The following COMMD1 variants were observed in gnomAD, a reference collection of about 807,000 sequenced individuals.
The protein encoded by COMMD1 is copper metabolism domain containing 1, also known as COMM domain-containing protein 1.
In COMMD1, 10 loss-of-function variants were observed where a neutral mutation model predicts 17.2. That is an observed-to-expected ratio of 0.58 (90% CI 0.36 to 0.99). COMMD1 has a LOEUF of 0.99. COMMD1 is among the 50% of genes least tolerant of loss of function. The probability of loss-of-function intolerance (pLI) is 0.01; values close to 1 mark genes in which losing one functional copy is unlikely to be tolerated. For missense variants in COMMD1, 270 were observed against 231.8 expected (o/e 1.17, Z -1.07); for synonymous variants, 97 against 91.6 (o/e 1.06, Z -0.34).
At chr2:62,034,014 G>A (rs1399178745) in intron 2 of COMMD1, among the ~76,000 whole-genome samples, 2 of 150,322 alleles carry the variant, frequency 1.3e-5, no homozygotes, top group Non-Finnish European at 3.0e-5. Flanking sequence ...GGAGGCTGAG[G>A]TGGTAGGATC....
rs151117563 is a variant in COMMD1, at chr2:62,042,720, G to C, written c.462+41738G>C. The stretch of plus-strand genomic sequence containing the variant: ...CGGATGCCGAGGCTGAGGAGGTGCC[G>C]AGAGCGAATGAGGGCTGCTAGCAAG... On this transcript the variant is annotated intron_variant, in intron 2 of 2. Coordinates refer to ENST00000311832, the MANE Select transcript of COMMD1 (RefSeq NM_152516.4). 1.3e-3 allele frequency among the ~76,000 whole-genome samples: 191 copies of C among 152,314 alleles called. 1 individual carries two copies. In the East Asian group the frequency reaches 0.03, roughly 24 times the overall value.
At chr2:61,927,249 T>A (rs1670350586) in intron 1 of COMMD1, among the ~76,000 whole-genome samples, 1 of 152,226 alleles carries the variant, frequency 6.6e-6, no homozygotes, top group Non-Finnish European at 1.5e-5. Flanking sequence ...AAAGGAAACC[T>A]CATTCTCATG....
rs149611027 is a variant in COMMD1 at position 61,929,703 on chromosome 2, A to G, written c.180+23845A>G. On this transcript the variant is annotated intron_variant, in intron 1 of 2. Transcript: ENST00000311832. ...TCCCAGCACTTTGGGAGCCCAAGGC[A>G]GGAGGATCACTTGAGCCCAGGAGTT... is the stretch of plus-strand genomic sequence containing the variant. 6.6e-5 allele frequency among the ~76,000 whole-genome samples: 10 copies of G among 152,320 alleles called. No individual in the cohort carries two copies. In the East Asian group the frequency reaches 1.9e-3, roughly 29 times the overall value.
intron 2 of COMMD1, among the ~76,000 whole-genome samples, chr2:62,041,976 C>T (rs1027527930): frequency 9.2e-5 from 14 of 152,192 alleles, no homozygotes; most frequent in African/African-American, 1.9e-4. Context: ...AGCGGCTTGC[C>T]GCTGCTGGCT....
At chr2:62,111,977 G>T (rs1215631668) in intron 2 of COMMD1, among the ~76,000 whole-genome samples, 3 of 152,214 alleles carry the variant, frequency 2.0e-5, no homozygotes, top group Admixed American at 1.3e-4. Flanking sequence ...CAGGACTTCA[G>T]TAAGAAGTCT....
intron 1 of COMMD1, among the ~76,000 whole-genome samples, chr2:61,915,430 C>T (rs1302243049): frequency 6.6e-6 from 1 of 151,646 alleles, no homozygotes; most frequent in Non-Finnish European, 1.5e-5. Context: ...GTGTTTTTTT[C>T]CCACTTTTTG....
chr2:61,888,546 G>A (rs1471333957), upstream of COMMD1: 2 of 1,594,056 alleles, frequency 1.3e-6, no homozygotes, highest in East Asian at 2.2e-5. Flanking sequence ...CGGGAAGGAC[G>A]GATGGACCCG....
chr2:62,044,451 T>G (rs138216779), intron 2 of COMMD1, among the ~76,000 whole-genome samples: 1 of 152,356 alleles, frequency 6.6e-6, no homozygotes, highest in African/African-American at 2.4e-5. Flanking sequence ...TACTGATTTC[T>G]GTGTTGACCT....
chr2:62,024,772 A>C (rs1168796589), intron 2 of COMMD1, among the ~76,000 whole-genome samples: 3 of 152,168 alleles, frequency 2.0e-5, no homozygotes, highest in African/African-American at 7.2e-5. Flanking sequence ...ATCTGATGCC[A>C]TCGGACCTGT....
At chr2:62,113,115 G>A (rs1251781522) in intron 2 of COMMD1, among the ~76,000 whole-genome samples, 1 of 152,070 alleles carries the variant, frequency 6.6e-6, no homozygotes, top group Non-Finnish European at 1.5e-5. Context: ...GGAGGCAGAG[G>A]TGGGAGGTCG....
At chr2:62,132,414 G>A (rs560974887) in intron 2 of COMMD1, among the ~76,000 whole-genome samples, 1 of 152,288 alleles carries the variant, frequency 6.6e-6, no homozygotes, top group South Asian at 2.1e-4. Context: ...AGAAAACCAG[G>A]TTATTTATTA....
chr2:61,917,329 C>A (rs1472933992), intron 1 of COMMD1, among the ~76,000 whole-genome samples: 1 of 150,660 alleles, frequency 6.6e-6, no homozygotes, highest in African/African-American at 2.4e-5. Context: ...TGTACTCCAG[C>A]CTGGGAGACA....
At chr2:61,916,936 A>G (rs927970967) in intron 1 of COMMD1, among the ~76,000 whole-genome samples, 1 of 152,176 alleles carries the variant, frequency 6.6e-6, no homozygotes, top group African/African-American at 2.4e-5. Flanking sequence ...TTTATATTTT[A>G]AATATTCCAG....
intron 2 of COMMD1, among the ~76,000 whole-genome samples, chr2:62,071,782 C>G (rs1671206373): frequency 6.6e-6 from 1 of 152,124 alleles, no homozygotes; most frequent in Non-Finnish European, 1.5e-5. Context: ...AATTCCCAGC[C>G]ATGATAGGAA....
chr2:62,077,100 C>T (rs1671366561), intron 2 of COMMD1, among the ~76,000 whole-genome samples: 1 of 152,112 alleles, frequency 6.6e-6, no homozygotes, highest in Non-Finnish European at 1.5e-5. Flanking sequence ...CACTGCCCTC[C>T]AGCCTGGGTG....
intron 2 of COMMD1, among the ~76,000 whole-genome samples, chr2:62,006,253 A>G (rs1425865330): frequency 2.0e-5 from 3 of 151,070 alleles, no homozygotes; most frequent in Admixed American, 1.3e-4. Context: ...GCTAAATGAC[A>G]AGATAATGGG....
chr2:62,039,961 A>G (rs1013366117), intron 2 of COMMD1, among the ~76,000 whole-genome samples: 6 of 152,230 alleles, frequency 3.9e-5, no homozygotes, highest in African/African-American at 9.6e-5. Flanking sequence ...GCCATTTGTT[A>G]AGAGTACCGC....
At chr2:61,922,911 A>G (rs76738306) in intron 1 of COMMD1, among the ~76,000 whole-genome samples, 93 of 152,350 alleles carry the variant, frequency 6.1e-4, no homozygotes, top group African/African-American at 2.1e-3. Context: ...GTTAGCATGT[A>G]AATTTGTTCT....
intron 2 of COMMD1, among the ~76,000 whole-genome samples, chr2:62,109,800 A>AC (rs1311070130): frequency 1.3e-5 from 2 of 152,134 alleles, no homozygotes; most frequent in Non-Finnish European, 2.9e-5. Flanking sequence ...TGAATTTGGA[A>AC]CTGGGTCAGC....
Sources: allele counts gnomAD v4.1 joint callset (sites outside exome capture counted in the v4.1 genomes callset), GRCh38; gene constraint gnomAD v4.1.1; transcripts MANE v1.5; gene names NCBI Gene and HGNC (gene_info 2026-07-23, HGNC 2026-07-21).